The following ACAP3 variants were observed in gnomAD, a reference collection of about 807,000 sequenced individuals.
ACAP3 encodes the protein ArfGAP with coiled-coil, ankyrin repeat and PH domains 3.
In ACAP3, 56 loss-of-function variants were observed where a neutral mutation model predicts 104.1. That is an observed-to-expected ratio of 0.54 (90% CI 0.43 to 0.67). ACAP3 has a LOEUF of 0.67. Ranked by LOEUF, ACAP3 falls within the 30% of genes least tolerant of loss-of-function variation. The pLI is 0.00. For missense variants in ACAP3, 1,208 were observed against 1,174.9 expected (o/e 1.03, Z -0.41); for synonymous variants, 628 against 496.2 (o/e 1.27, Z -3.53).
intron 6 of ACAP3, 116 bp from the exon 7 acceptor site, chr1:1,300,318 T>G: frequency 7.4e-7 from 1 of 1,354,202 alleles, no homozygotes. Flanking sequence ...CAGGTCGTCT[T>G]CAGCTCCCAG....
Position 1,300,072 on chromosome 1 carries a change from CG to C in ACAP3, c.568-5del, listed in dbSNP as rs775512839. On this transcript the variant is annotated splice_region_variant and splice_polypyrimidine_tract_variant and intron_variant, in intron 7 of 23. Transcript: ENST00000354700. ...GGGCGTGCATGAAGGACAGCATCTG[CG>C]GGGGCAGCACAGGTGAGGCCCAAGC... 1.3e-5 allele frequency: 21 copies of C among 1,612,098 alleles called. No individual in the cohort carries two copies. The East Asian group carries it at 1.6e-4, about 12-fold the overall frequency.
Position 1,293,513 on chromosome 1 carries a change from CAT to C in ACAP3, c.*49_*50del. ...CGGGTGGGCGCCAGGGACTTCGGGG[CAT>C]GCGGGGCGTCGGGCCGGGCGGGGTG... On this transcript the variant is annotated 3_prime_UTR_variant, in exon 24 of 24. Coordinates refer to ENST00000354700, the MANE Select transcript of ACAP3 (RefSeq NM_030649.3). 7.2e-7 allele frequency: 1 copy of C among 1,387,154 alleles called. No homozygotes were observed. The highest frequency in any genetic ancestry group is 9.3e-7 in the Non-Finnish European group (1 of 1,079,880). The allele number at this position is 1,387,154 out of a possible 1,614,324, so 85.9% of individuals were successfully genotyped here.
rs1286883674 is a variant in ACAP3, at chr1:1,296,225, G to A, written c.1393C>T (p.Pro465Ser). The A allele has an allele frequency of 6.4e-7, 1 of 1,569,552 alleles. No individual in the cohort carries two copies. Among genetic ancestry groups the A allele is most frequent in the African/African-American group, 1.3e-5 (1 of 74,128 alleles). The part of the protein sequence containing the change: ...VRSLTLDSWE[P>S]ELLKLMCELG... The stretch of plus-strand genomic sequence containing the variant: ...CCCACACGCACCTTTAGCAGCTCAG[G>A]CTCCCACGAGTCCAGCGTCAGGGAC... Residue 465 changes from proline (P) to serine (S), a missense_variant, in exon 16 of 24, where the codon CCT (proline) becomes TCT (serine). Physicochemically the swap from Pro to Ser is moderately conservative, Grantham distance 74 (BLOSUM62 -1). Coordinates refer to ENST00000354700, the MANE Select transcript of ACAP3 (RefSeq NM_030649.3).
rs1271239334 is a variant in ACAP3, at chr1:1,298,660, G to A, written c.770C>T (p.Ser257Phe). The change falls in exon 11 of 24, where the codon TCC (serine) becomes TTC (phenylalanine). Residue 257 changes from serine to phenylalanine, a missense_variant. Transcript: ENST00000354700. ...CGCGTCCACGTCAAACTCCACTTTG[G>A]ACTCATCGTAGGAGAAGTCCTGGGG... ...TLLQDFSYDE[S>F]KVEFDVDAPS... is the part of the protein sequence containing the mutation. 1 of 1,612,478 alleles carries A rather than the reference G, an allele frequency of 6.2e-7. No homozygotes were observed. Among genetic ancestry groups the A allele is most frequent in the African/African-American group, 1.3e-5 (1 of 75,014 alleles).
chr1:1,296,020 G>A lies in ACAP3; in HGVS notation c.1497C>T (p.Ser499=). 1.9e-6 allele frequency: 3 copies of A among 1,612,812 alleles called. No homozygotes were observed. The highest frequency in any genetic ancestry group is 1.1e-5 in the South Asian group (1 of 91,086). ...GAGSRKPTAS[S]SRQDKEAWIK... is the part of the protein sequence containing the mutation. ...CAGACTGTACCCCACCTCACCGGGA[G>A]CTGCTGGCTGTGGGTTTCCTGCTGC... The change falls in exon 17 of 24, where the codon AGC becomes AGT. Residue 499 remains serine (S), a synonymous_variant. Transcript: ENST00000354700.
chr1:1,301,015 C>G (rs577688939), intron 5 of ACAP3, among the ~76,000 whole-genome samples: 104 of 152,188 alleles, frequency 6.8e-4, no homozygotes, highest in Non-Finnish European at 1.4e-3. Context: ...GATTCACCCA[C>G]CTCGGTCTCC....
At position 1,295,531 on chromosome 1, in the gene ACAP3, G is replaced by C; in HGVS notation, c.1729C>G (p.Arg577Gly). 1 of 1,612,592 alleles carries C rather than the reference G, an allele frequency of 6.2e-7. No homozygotes were observed. Among genetic ancestry groups the C allele is most frequent in the Non-Finnish European group, 8.5e-7 (1 of 1,179,882 alleles). ...TCGGGACAGAAGAGGGAGTCTCGGC[G>C]GAACTTACGATCCAGGGTGCCCACT... ...SSVGTLDRKF[R>G]RDSLFCPDEL... Residue 577 changes from arginine to glycine, a missense_variant, in exon 19 of 24, where the codon CGC becomes GGC. Arg to Gly is a moderately radical substitution (Grantham distance 125). Coordinates refer to ENST00000354700, the MANE Select transcript of ACAP3 (RefSeq NM_030649.3).
At chr1:1,300,395 G>A in intron 6 of ACAP3, 114 bp downstream of exon 6, 1 of 1,304,870 alleles carries the variant, frequency 7.7e-7, no homozygotes, top group Non-Finnish European at 1.0e-6. Context: ...CCCACCCATG[G>A]GCAAAGCAAG....
chr1:1,296,334 C>T, intron 15 of ACAP3, 54 bp from the exon 16 acceptor site: 1 of 1,549,196 alleles, frequency 6.5e-7, no homozygotes, highest in Non-Finnish European at 8.7e-7. Context: ...CCAGCTCCGG[C>T]CCAACCCCCA....
At chr1:1,307,732 C>T (rs1197060047) in intron 1 of ACAP3, 37 bp downstream of exon 1, 5 of 1,088,422 alleles carry the variant, frequency 4.6e-6, no homozygotes, top group Non-Finnish European at 4.5e-6. Flanking sequence ...GCGACGCCCC[C>T]GGCCTGCGCC....
At position 1,300,509 on chromosome 1, in the gene ACAP3, C is replaced by A; in HGVS notation, c.522G>T (p.Gln174His). ...FRHLALDYVL[Q>H]INVLQAKKKF... is the part of the protein sequence containing the mutation. ...CCCCCAGCCCATTTCTGGGGCTGAC[C>A]TGGAGCACATAGTCCAGTGCCAGGT... Residue 174 changes from glutamine (Q) to histidine (H), a missense_variant and splice_region_variant, in exon 6 of 24, where the codon CAG becomes CAT. Transcript: ENST00000354700. 1 of 1,608,228 alleles carries A rather than the reference C, an allele frequency of 6.2e-7. No homozygotes were observed.
chr1:1,296,308 G>A (rs1641147900), intron 15 of ACAP3, 28 bp from the exon 16 acceptor site: 1 of 1,551,428 alleles, frequency 6.4e-7, no homozygotes, highest in Non-Finnish European at 8.7e-7. Context: ...GGATGAGTCT[G>A]GGGGAGGCAA....
chr1:1,294,355 G>T (rs368472457), intron 21 of ACAP3, 47 bp downstream of exon 21: 64 of 1,535,500 alleles, frequency 4.2e-5, no homozygotes, highest in Non-Finnish European at 5.2e-5. Flanking sequence ...AGATGCAAAC[G>T]CGACTGTGCA....
chr1:1,301,696 C>A, intron 5 of ACAP3: 1 of 282,748 alleles, frequency 3.5e-6, no homozygotes, highest in Non-Finnish European at 6.6e-6. Flanking sequence ...CCACCTCACT[C>A]TCAAGATCTG....
intron 1 of ACAP3, 98 bp downstream of exon 1, chr1:1,307,671 G>A: frequency 9.8e-7 from 1 of 1,023,908 alleles, no homozygotes; most frequent in Non-Finnish European, 1.2e-6. Flanking sequence ...GGCGGCCGCG[G>A]CCCGGCCCGG....
Position 1,303,045 on chromosome 1 carries a change from G to T in ACAP3, c.226-70C>A. On this transcript the variant is annotated intron_variant, in intron 3 of 23. Coordinates refer to ENST00000354700, the MANE Select transcript of ACAP3 (RefSeq NM_030649.3). The surrounding 1 kb of genome is among the most constrained non-coding windows in gnomAD (Gnocchi z 4.0). ...CCCAGGTCACCCAGCCACGCCCTCT[G>T]AGCCCCTGGGCGGTGCAGACACCGG... is the stretch of plus-strand genomic sequence containing the variant. 1 of 1,563,156 alleles carries T rather than the reference G, an allele frequency of 6.4e-7. No individual in the cohort carries two copies. Among genetic ancestry groups the T allele is most frequent in the East Asian group, 2.4e-5 (1 of 42,250 alleles).
In ACAP3 at chr1:1,298,439, T is replaced by G. The variant is rs747666454; in HGVS notation, c.864-18A>C. 4 of 1,598,020 alleles carry G rather than the reference T, an allele frequency of 2.5e-6. No homozygotes were observed. Among genetic ancestry groups the G allele is most frequent in the Non-Finnish European group, 2.6e-6 (3 of 1,171,946 alleles). On this transcript the variant is annotated intron_variant, in intron 11 of 23. Transcript: ENST00000354700. ...ACCAGCGCCTAGGTGGGTGGGGGGA[T>G]GTGGGGAGTCAGGCGGGGCCCATCC...
rs989938722 is a variant in ACAP3, at chr1:1,293,489, G to A, written c.*75C>T. 7 of 1,323,624 alleles carry A rather than the reference G, an allele frequency of 5.3e-6. No homozygotes were observed. The East Asian group carries it at 1.1e-4, about 20-fold the overall frequency. The allele number at this position is 1,323,624 out of a possible 1,614,324, so 82.0% of individuals were successfully genotyped here. ...GCGGGTCACACGCAGGGCCGCGGCC[G>A]GGTGGGCGCCAGGGACTTCGGGGCA... On this transcript the variant is annotated 3_prime_UTR_variant, in exon 24 of 24. Transcript: ENST00000354700.
At chr1:1,306,193 C>G (rs1274566540) in intron 1 of ACAP3, among the ~76,000 whole-genome samples, 1 of 152,180 alleles carries the variant, frequency 6.6e-6, no homozygotes, top group Admixed American at 6.5e-5. Context: ...ATAACTGGCT[C>G]CTGTAACAGG....
Sources: gnomAD v4.1 joint callset for allele counts (sites outside exome capture counted in the v4.1 genomes callset) on GRCh38, gnomAD v4.1.1 for gene constraint, Gnocchi (gnomAD v3.1) non-coding constraint, MANE v1.5 for transcripts, NCBI Gene and HGNC (gene_info 2026-07-23, HGNC 2026-07-21) for gene names.